Variants in DIAPH3 observed in about 807,000 individuals in gnomAD.
The protein encoded by DIAPH3 is protein diaphanous homolog 3.
A neutral mutation model predicts 144.3 loss-of-function variants in DIAPH3; 117 were observed. The observed-to-expected ratio is 0.81, with a 90% CI of 0.70 to 0.95. DIAPH3 has a LOEUF of 0.95. Ranked by LOEUF, DIAPH3 falls within the 40% of genes least tolerant of loss-of-function variation. The probability of loss-of-function intolerance (pLI) is 0.00; values close to 1 mark genes in which losing one functional copy is unlikely to be tolerated. For synonymous variants in DIAPH3, 519 were observed against 488.9 expected (o/e 1.06, Z -0.81); for missense variants, 1,421 against 1,412.7 (o/e 1.01, Z -0.09).
intron 2 of DIAPH3, among the ~76,000 whole-genome samples, chr13:60,119,234 G>A (rs1225362518): frequency 6.6e-6 from 1 of 152,174 alleles, no homozygotes; most frequent in East Asian, 1.9e-4. Context: ...AACTCCTAAG[G>A]GGAGGCAAAG....
At chr13:59,962,996 G>T (rs1344448093) in intron 17 of DIAPH3, among the ~76,000 whole-genome samples, 2 of 152,242 alleles carry the variant, frequency 1.3e-5, no homozygotes, top group Admixed American at 6.5e-5. Flanking sequence ...TCAATTAGAG[G>T]TTAAAGTATG....
At chr13:59,760,226 T>C (rs2037507304) in intron 27 of DIAPH3, among the ~76,000 whole-genome samples, 1 of 152,226 alleles carries the variant, frequency 6.6e-6, no homozygotes, top group Non-Finnish European at 1.5e-5. Context: ...TTTTAAAAGA[T>C]CTTTTTCTTT....
At position 59,810,904 on chromosome 13, in the gene DIAPH3, A is replaced by C. The variant is rs1308000751; in HGVS notation, c.3047T>G (p.Ile1016Ser). Reference protein sequence around the residue: ...TTFMQAIKENIKKREAEEKEK... With the variant: ...TTFMQAIKENSKKREAEEKEK... The stretch of plus-strand genomic sequence containing the variant: ...TTTTTCCTCTGCTTCTCTTTTTTTG[A>C]TATTCTCCTTTATTGCTTGCTAAAA... The change falls in exon 25 of 28, where the codon ATC (isoleucine) becomes AGC (serine). Residue 1016 changes from isoleucine to serine, a missense_variant. Transcript: ENST00000400324. 6.4e-7 allele frequency: 1 copy of C among 1,561,602 alleles called. No homozygotes were observed. Among genetic ancestry groups the C allele is most frequent in the South Asian group, 1.1e-5 (1 of 88,122 alleles).
At chr13:60,086,229 T>A (rs1158358203) in intron 4 of DIAPH3, among the ~76,000 whole-genome samples, 2 of 152,054 alleles carry the variant, frequency 1.3e-5, no homozygotes, top group African/African-American at 4.8e-5. Flanking sequence ...AAAAACACAA[T>A]GCAGTAATAC....
chr13:60,009,413 G>A (rs991673064), intron 8 of DIAPH3, among the ~76,000 whole-genome samples: 1 of 151,498 alleles, frequency 6.6e-6, no homozygotes, highest in South Asian at 2.1e-4. Flanking sequence ...GAGTCCAAGA[G>A]GAAAGAGGAG....
At chr13:60,091,973 G>A (rs1319509467) in intron 4 of DIAPH3, among the ~76,000 whole-genome samples, 5 of 151,810 alleles carry the variant, frequency 3.3e-5, no homozygotes, top group African/African-American at 1.2e-4. Context: ...CACCCAAGTA[G>A]CCAGGACTAT....
chr13:59,919,474 C>A (rs534335192), intron 18 of DIAPH3, among the ~76,000 whole-genome samples: 1 of 152,182 alleles, frequency 6.6e-6, no homozygotes, highest in African/African-American at 2.4e-5. Flanking sequence ...GACTTCTCAA[C>A]AGAAACCTTA....
At chr13:60,074,153 C>G (rs2057301997) in intron 4 of DIAPH3, among the ~76,000 whole-genome samples, 1 of 152,172 alleles carries the variant, frequency 6.6e-6, no homozygotes, top group African/African-American at 2.4e-5. Context: ...TCCAATAAGT[C>G]AGAGTACTGC....
At chr13:59,942,320 T>C (rs1432621980) in intron 17 of DIAPH3, among the ~76,000 whole-genome samples, 1 of 152,190 alleles carries the variant, frequency 6.6e-6, no homozygotes, top group Non-Finnish European at 1.5e-5. Context: ...ATTTCTAAGC[T>C]GTAACTTTAA....
intron 14 of DIAPH3, among the ~76,000 whole-genome samples, chr13:59,976,875 A>T (rs1275403618): frequency 2.6e-5 from 4 of 151,860 alleles, no homozygotes; most frequent in Non-Finnish European, 5.9e-5. Flanking sequence ...CAGACGAAAA[A>T]ACATATTTTC....
chr13:59,677,005 T>G (rs981104253), intron 27 of DIAPH3, among the ~76,000 whole-genome samples: 1 of 152,130 alleles, frequency 6.6e-6, no homozygotes, highest in African/African-American at 2.4e-5. Context: ...AGAAATCTAA[T>G]TCATATCCAT....
chr13:59,773,922 C>A (rs1404578998), intron 27 of DIAPH3: 4 of 395,196 alleles, frequency 1.0e-5, no homozygotes, highest in Non-Finnish European at 1.8e-5. Context: ...CACTGATCAG[C>A]AATGATTGAA....
At chr13:59,806,472 A>G (rs1216008678) in intron 25 of DIAPH3, among the ~76,000 whole-genome samples, 1 of 152,052 alleles carries the variant, frequency 6.6e-6, no homozygotes, top group Non-Finnish European at 1.5e-5. Flanking sequence ...GAGGATTTTT[A>G]TTAAACAATA....
intron 17 of DIAPH3, among the ~76,000 whole-genome samples, chr13:59,948,826 T>C (rs767949440): frequency 1.2e-4 from 18 of 144,082 alleles, no homozygotes; most frequent in Non-Finnish European, 2.3e-4. Flanking sequence ...CTGCCTTGCT[T>C]GACATAAAAA....
chr13:60,052,581 A>G (rs867489635), intron 4 of DIAPH3, among the ~76,000 whole-genome samples: 29 of 152,250 alleles, frequency 1.9e-4, no homozygotes, highest in Non-Finnish European at 2.6e-4. Context: ...CTCCACTAGA[A>G]TACACCCTAC....
chr13:60,007,640 G>C (rs1163887405), intron 9 of DIAPH3, among the ~76,000 whole-genome samples: 5 of 152,108 alleles, frequency 3.3e-5, no homozygotes, highest in Non-Finnish European at 7.4e-5. Flanking sequence ...TAGAAGTACG[G>C]AGGTGAGAAT....
In DIAPH3 at chr13:59,983,880, A is replaced by G. The variant is rs761257432; in HGVS notation, c.1369T>C (p.Tyr457His). The G allele has an allele frequency of 1.9e-6, 3 of 1,595,410 alleles. No homozygotes were observed. In the Admixed American group the frequency reaches 5.0e-5, roughly 27 times the overall value. Residue 457 changes from tyrosine to histidine, a missense_variant, in exon 13 of 28, where the codon TAC becomes CAC. Tyr to His is a moderately conservative substitution (Grantham distance 83). Transcript: ENST00000400324. ...ACACACTCATCAATTAATTTGAAGTATTGTTGCCTAAAACCAAAGAAAAGA... is the reference window on the plus strand; with the variant it reads ...ACACACTCATCAATTAATTTGAAGTGTTGTTGCCTAAAACCAAAGAAAAGA... The part of the protein sequence containing the change: ...IRNDYFIRQQ[Y>H]FKLIDECVSQ...
intron 22 of DIAPH3, among the ~76,000 whole-genome samples, chr13:59,859,779 C>A (rs340210): frequency 1.3e-5 from 2 of 151,938 alleles, no homozygotes; most frequent in Non-Finnish European, 2.9e-5. Flanking sequence ...CTGAGTGATT[C>A]TGAATGTTTA....
At chr13:60,082,181 A>G (rs544661405) in intron 4 of DIAPH3, among the ~76,000 whole-genome samples, 1 of 152,142 alleles carries the variant, frequency 6.6e-6, no homozygotes, top group Non-Finnish European at 1.5e-5. Flanking sequence ...TTTCAGAAAT[A>G]AAAACTAACA....
Sources: gnomAD v4.1 joint callset for allele counts (sites outside exome capture counted in the v4.1 genomes callset) on GRCh38, gnomAD v4.1.1 for gene constraint, MANE v1.5 for transcripts, NCBI Gene and HGNC (gene_info 2026-07-23, HGNC 2026-07-21) for gene names.